Variants in UBE2E1 observed in about 807,000 individuals in gnomAD.
UBE2E1 encodes ubiquitin conjugating enzyme E2 E1.
Under a neutral mutation model 21.4 loss-of-function variants are expected in UBE2E1, and 6 were observed. The ratio of observed to expected loss-of-function variants is 0.28; its 90% CI spans 0.15 to 0.55. The LOEUF (loss-of-function observed/expected upper bound fraction) is 0.55, where lower values mean the gene tolerates loss of function less well. UBE2E1 is among the 20% of genes least tolerant of loss of function. UBE2E1 has a pLI of 0.93. For missense variants in UBE2E1, 142 were observed against 236.5 expected, an observed-to-expected ratio of 0.60 and a Z score of 2.62; for synonymous variants, 87 against 82.7, an observed-to-expected ratio of 1.05 and a Z score of -0.28.
At chr3:23,865,149 A>G (rs1211714085) in intron 3 of UBE2E1, among the ~76,000 whole-genome samples, 1 of 152,208 alleles carries the variant, frequency 6.6e-6, no homozygotes, top group Non-Finnish European at 1.5e-5. Flanking sequence ...GCTGTAGTCA[A>G]GGAGTCAGCT....
At chr3:23,890,187 T>TG (rs1389031012) in intron 5 of UBE2E1, among the ~76,000 whole-genome samples, 1 of 152,202 alleles carries the variant, frequency 6.6e-6, no homozygotes, top group Non-Finnish European at 1.5e-5. Context: ...TCTGAAGCCT[T>TG]GACCGTTCCA....
At chr3:23,840,636 A>C (rs1700065716) in intron 3 of UBE2E1, among the ~76,000 whole-genome samples, 1 of 152,328 alleles carries the variant, frequency 6.6e-6, no homozygotes, top group East Asian at 1.9e-4. Flanking sequence ...AATGCAAACT[A>C]TTCTCAGCCC....
chr3:23,879,480 C>A, intron 3 of UBE2E1: 2 of 338,248 alleles, frequency 5.9e-6, no homozygotes, highest in South Asian at 3.0e-5. Flanking sequence ...GAAGTGTGGT[C>A]TGATAGTCCA....
At chr3:23,812,732 A>G (rs1699427068) in intron 3 of UBE2E1, among the ~76,000 whole-genome samples, 1 of 152,172 alleles carries the variant, frequency 6.6e-6, no homozygotes, top group Non-Finnish European at 1.5e-5. Flanking sequence ...GAAAAACCAT[A>G]AGACTTAGGC....
At chr3:23,852,937 A>G (rs535841129) in intron 3 of UBE2E1, among the ~76,000 whole-genome samples, 2 of 146,004 alleles carry the variant, frequency 1.4e-5, no homozygotes, top group South Asian at 2.2e-4. Flanking sequence ...TTGTTTTGAG[A>G]TGGAGTTTCA....
At chr3:23,832,567 C>T (rs147085469) in intron 3 of UBE2E1, among the ~76,000 whole-genome samples, 2 of 152,168 alleles carry the variant, frequency 1.3e-5, no homozygotes. Flanking sequence ...ATCGCTTGAA[C>T]CCGGGAGGTG....
intron 3 of UBE2E1, among the ~76,000 whole-genome samples, chr3:23,880,550 C>A (rs980592693): frequency 6.6e-6 from 1 of 152,154 alleles, no homozygotes; most frequent in Non-Finnish European, 1.5e-5. Flanking sequence ...GGTGACACAG[C>A]AAGACTGTGA....
chr3:23,871,782 G>C (rs1159335075), intron 3 of UBE2E1, among the ~76,000 whole-genome samples: 2 of 151,802 alleles, frequency 1.3e-5, no homozygotes, highest in African/African-American at 4.8e-5. Flanking sequence ...ATGGGCGGCC[G>C]GGCAGAGACA....
In UBE2E1 at chr3:23,870,582, T is replaced by C. The variant is rs1559490822; in HGVS notation, c.204-16985T>C. Among the ~76,000 whole-genome samples, 1 of 152,248 alleles carries C rather than the reference T, an allele frequency of 6.6e-6. No homozygotes were observed. Among genetic ancestry groups the C allele is most frequent in the Non-Finnish European group, 1.5e-5 (1 of 68,050 alleles). On this transcript the variant is annotated intron_variant, in intron 3 of 5. Transcript: ENST00000306627. The surrounding 1 kb of genome is among the most constrained non-coding windows in gnomAD (Gnocchi z 4.2). ...GGCACTGACAGCTTCTGCTATAGTT[T>C]ATCAGTGAGCTCAGGAGTTCAAGTG...
intron 3 of UBE2E1, among the ~76,000 whole-genome samples, chr3:23,851,623 G>A (rs1023557902): frequency 6.6e-6 from 1 of 152,064 alleles, no homozygotes; most frequent in Non-Finnish European, 1.5e-5. Flanking sequence ...GATTAACAAA[G>A]TGAGACCCTC....
At position 23,811,716 on chromosome 3, in the gene UBE2E1, G is replaced by A. The variant is rs538592138; in HGVS notation, c.203+206G>A. Among the ~76,000 whole-genome samples the A allele has an allele frequency of 7.2e-5, 11 of 152,282 alleles. No individual in the cohort carries two copies. The East Asian group carries it at 1.5e-3, about 21-fold the overall frequency. ...TCAGTACTGTTGAGAAGAAGTAATG[G>A]ATTTATTTGGAGTGGATTTTTACAT... is the stretch of plus-strand genomic sequence containing the variant. On this transcript the variant is annotated intron_variant, in intron 3 of 5. Transcript: ENST00000306627.
rs1559482414 is a variant in UBE2E1 at position 23,842,235 on chromosome 3, GTGTGTGTGTGTGTGGTGT to G, written c.203+30729_203+30746del. 0.022 allele frequency among the ~76,000 whole-genome samples: 1,771 copies of G among 78,854 alleles called. 47 individuals carry two copies. The highest frequency in any genetic ancestry group is 0.077 in the African/African-American group (1,685 of 21,864). The allele number at this position is 78,854 out of a possible 152,430, so 51.7% of individuals were successfully genotyped here. On this transcript the variant is annotated intron_variant, in intron 3 of 5. Transcript: ENST00000306627. The surrounding 1 kb of genome is among the most constrained non-coding windows in gnomAD (Gnocchi z 4.6). ...TGTGTGTGTGTGTGTGTGTGTGTGTGTGTGTGTGTGTGTGGTGTTGTTGTTGTTGGCGACAGGGTCTCA... is the reference window on the plus strand; with the variant it reads ...TGTGTGTGTGTGTGTGTGTGTGTGTGTGTTGTTGTTGGCGACAGGGTCTCA...
intron 3 of UBE2E1, among the ~76,000 whole-genome samples, chr3:23,825,975 A>G (rs1699749522): frequency 1.3e-5 from 2 of 152,108 alleles, no homozygotes; most frequent in Admixed American, 6.6e-5. Context: ...GGGAGTTTGA[A>G]GCTGTGGTGT....
rs574206066 is a variant in UBE2E1 at position 23,863,704 on chromosome 3, A to G, written c.204-23863A>G. ...CGCCACCACGCCTGGCTAATTTTCTATTTTTAGTAGAGATGGGGTTTCTCC... is the reference window on the plus strand; with the variant it reads ...CGCCACCACGCCTGGCTAATTTTCTGTTTTTAGTAGAGATGGGGTTTCTCC... On this transcript the variant is annotated intron_variant, in intron 3 of 5. Transcript: ENST00000306627. The surrounding 1 kb of genome is among the most constrained non-coding windows in gnomAD (Gnocchi z 4.3). Among the ~76,000 whole-genome samples, 184 of 151,890 alleles carry G rather than the reference A, an allele frequency of 1.2e-3. 1 individual carries two copies. Among genetic ancestry groups the G allele is most frequent in the Non-Finnish European group, 1.8e-3 (119 of 67,958 alleles).
rs184125053 is a variant in UBE2E1 at position 23,825,039 on chromosome 3, A to T, written c.203+13529A>T. 4.8e-4 allele frequency among the ~76,000 whole-genome samples: 73 copies of T among 152,360 alleles called. 1 individual carries two copies. Among genetic ancestry groups the T allele is most frequent in the African/African-American group, 1.7e-3 (72 of 41,590 alleles). On this transcript the variant is annotated intron_variant, in intron 3 of 5. Transcript: ENST00000306627. ...ACGAAACCTTGTAGGATTAGTAATT[A>T]TATTTCTTGAATTAATTTTAAAAAT...
At chr3:23,815,339 T>G (rs1455309398) in intron 3 of UBE2E1, among the ~76,000 whole-genome samples, 1 of 152,118 alleles carries the variant, frequency 6.6e-6, no homozygotes, top group Non-Finnish European at 1.5e-5. Context: ...TTTGATAGCT[T>G]TTTTTTCCCT....
At chr3:23,809,331 G>C (rs886302622) in intron 2 of UBE2E1, among the ~76,000 whole-genome samples, 3 of 152,168 alleles carry the variant, frequency 2.0e-5, no homozygotes, top group Non-Finnish European at 4.4e-5. Flanking sequence ...CCCTATAGAG[G>C]CTGTTCTGTG....
chr3:23,834,141 C>T (rs1463981100), intron 3 of UBE2E1, among the ~76,000 whole-genome samples: 2 of 152,196 alleles, frequency 1.3e-5, no homozygotes, highest in East Asian at 1.9e-4. Context: ...TGTCTTTGGA[C>T]AAGGCCTTTT....
intron 3 of UBE2E1, among the ~76,000 whole-genome samples, chr3:23,849,779 C>T (rs1453257417): frequency 6.6e-6 from 1 of 152,056 alleles, no homozygotes; most frequent in African/African-American, 2.4e-5. Context: ...TGGGTTGGTT[C>T]CAAGCCTTTG....
Sources: gnomAD v4.1 joint callset for allele counts (sites outside exome capture counted in the v4.1 genomes callset) on GRCh38, gnomAD v4.1.1 for gene constraint, Gnocchi (gnomAD v3.1) non-coding constraint, MANE v1.5 for transcripts, NCBI Gene and HGNC (gene_info 2026-07-23, HGNC 2026-07-21) for gene names.